Variants in TLN2 observed in about 807,000 individuals in gnomAD.
The protein encoded by TLN2 is talin 2.
A neutral mutation model predicts 294.7 loss-of-function variants in TLN2; 118 were observed. That is an observed-to-expected ratio of 0.40 (90% CI 0.34 to 0.47). The LOEUF (loss-of-function observed/expected upper bound fraction) is 0.47. Ranked by LOEUF, TLN2 falls within the 20% of genes least tolerant of loss-of-function variation. The probability of loss-of-function intolerance (pLI) is 0.84; values close to 1 mark genes in which losing one functional copy is unlikely to be tolerated. For synonymous variants in TLN2, 1,431 were observed against 1,304.5 expected, an observed-to-expected ratio of 1.10 and a Z score of -2.09; for missense variants, 3,083 against 3,282.2, an observed-to-expected ratio of 0.94 and a Z score of 1.48.
intron 2 of TLN2, among the ~76,000 whole-genome samples, chr15:62,616,653 G>T (rs2048337300): frequency 6.6e-6 from 1 of 152,182 alleles, no homozygotes; most frequent in South Asian, 2.1e-4. Flanking sequence ...TAGTCATGGT[G>T]TGAGTTTCTC....
At chr15:62,820,749 T>G (rs1165474227) in intron 54 of TLN2, 139 bp downstream of exon 54, 3 of 1,120,666 alleles carry the variant, frequency 2.7e-6, no homozygotes, top group African/African-American at 3.1e-5. Flanking sequence ...CGGATCTACC[T>G]GCCCGGCACT....
At chr15:62,792,903 G>T (rs1030245297) in intron 46 of TLN2, 116 bp downstream of exon 46, 28 of 1,480,424 alleles carry the variant, frequency 1.9e-5, no homozygotes, top group Non-Finnish European at 2.3e-5. Flanking sequence ...TGACTCAGCT[G>T]TCTCATCCCG....
At chr15:62,754,886 A>G (rs1423457530) in intron 36 of TLN2, 1 of 152,128 alleles carries the variant, frequency 6.6e-6, no homozygotes, top group African/African-American at 2.4e-5. Flanking sequence ...ATGAGGAGGG[A>G]GCTGTTGCAC....
At chr15:62,562,953 CACACACACACACACACA>C (rs2043094787) in intron 1 of TLN2, among the ~76,000 whole-genome samples, 3 of 143,324 alleles carry the variant, frequency 2.1e-5, no homozygotes, top group Admixed American at 7.1e-5. Context: ...CACACACACA[CACACACACACACACACA>C]CCAGTTTCTT....
intron 49 of TLN2, 39 bp from the exon 50 acceptor site, chr15:62,800,614 T>TCA: frequency 6.2e-7 from 1 of 1,612,258 alleles, no homozygotes. Context: ...TGGACCTGAG[T>TCA]CACTGCACTA....
At chr15:62,621,369 G>A (rs1374081313) in intron 3 of TLN2, among the ~76,000 whole-genome samples, 1 of 152,156 alleles carries the variant, frequency 6.6e-6, no homozygotes, top group Non-Finnish European at 1.5e-5. Context: ...CTATTAGGGT[G>A]AATAGAAGGT....
intron 9 of TLN2, among the ~76,000 whole-genome samples, chr15:62,659,147 C>T (rs558082023): frequency 1.3e-5 from 2 of 152,332 alleles, no homozygotes; most frequent in East Asian, 3.9e-4. Flanking sequence ...AGCTCCCTTT[C>T]TCCATAGCCC....
intron 12 of TLN2, among the ~76,000 whole-genome samples, chr15:62,692,034 G>C (rs1198783741): frequency 2.0e-5 from 3 of 152,178 alleles, no homozygotes; most frequent in African/African-American, 7.2e-5. Flanking sequence ...CTTTGTTCAA[G>C]TTTAGCGTGT....
chr15:62,580,536 G>A (rs1474939932), intron 1 of TLN2, among the ~76,000 whole-genome samples: 8 of 151,820 alleles, frequency 5.3e-5, no homozygotes, highest in Admixed American at 3.3e-4. Context: ...TCAGCCTCGC[G>A]AGTAGCCGGT....
chr15:62,405,474 A>G (rs1236018533), intron 1 of TLN2, among the ~76,000 whole-genome samples: 2 of 152,186 alleles, frequency 1.3e-5, no homozygotes, highest in African/African-American at 2.4e-5. Context: ...TCTGGTTTCT[A>G]AGACCCTGTA....
chr15:62,763,647 G>A lies in TLN2; in HGVS notation c.5046G>A (p.Leu1682=). The A allele has an allele frequency of 6.2e-7, 1 of 1,613,100 alleles. No homozygotes were observed. Among genetic ancestry groups the A allele is most frequent in the Non-Finnish European group, 8.5e-7 (1 of 1,179,734 alleles). Residue 1682 remains leucine, a synonymous_variant, in exon 40 of 59, where the codon CTG becomes CTA. Transcript: ENST00000636159. The part of the protein sequence containing the change: ...RCIRDIEQAS[L]AAVSQSLATR... ...TCCGGGACATCGAGCAGGCCTCGCT[G>A]GCCGCCGTCAGCCAGAGCCTGGCCA...
intron 19 of TLN2, among the ~76,000 whole-genome samples, chr15:62,704,703 C>T (rs1264267447): frequency 1.3e-5 from 2 of 151,886 alleles, no homozygotes; most frequent in Non-Finnish European, 2.9e-5. Context: ...ACTGAGATGG[C>T]TGGTCATAAG....
intron 1 of TLN2, among the ~76,000 whole-genome samples, chr15:62,582,085 C>G (rs751426929): frequency 6.6e-6 from 1 of 151,348 alleles, no homozygotes; most frequent in Non-Finnish European, 1.5e-5. Flanking sequence ...GAATGGTGGA[C>G]TAATCACTGG....
At chr15:62,525,087 A>G (rs939924247) in intron 1 of TLN2, among the ~76,000 whole-genome samples, 8 of 152,126 alleles carry the variant, frequency 5.3e-5, no homozygotes, top group Admixed American at 2.0e-4. Flanking sequence ...TTGCAGTCCA[A>G]TTTTACATGG....
chr15:62,514,449 A>G (rs1049595061), intron 1 of TLN2, among the ~76,000 whole-genome samples: 2 of 152,148 alleles, frequency 1.3e-5, no homozygotes, highest in African/African-American at 4.8e-5. Context: ...TCCCCTCTCA[A>G]AGGTCTTTTA....
intron 1 of TLN2, among the ~76,000 whole-genome samples, chr15:62,446,659 GT>G (rs1277148341): frequency 9.6e-6 from 1 of 104,228 alleles, no homozygotes; most frequent in Non-Finnish European, 2.1e-5. Context: ...CCTGATCGCT[GT>G]GATTTTAAAC....
chr15:62,697,523 G>A (rs576900136), intron 14 of TLN2, among the ~76,000 whole-genome samples, 165 bp from the exon 15 acceptor site: 2 of 152,356 alleles, frequency 1.3e-5, no homozygotes, highest in African/African-American at 4.8e-5. Context: ...GCTCTGCTAA[G>A]TGTTGTAATG....
intron 22 of TLN2, among the ~76,000 whole-genome samples, chr15:62,714,083 A>G (rs975689655): frequency 1.3e-5 from 2 of 151,442 alleles, no homozygotes; most frequent in African/African-American, 4.8e-5. Context: ...AAAGAACTGT[A>G]GGGTAAATCT....
At chr15:62,494,626 A>G (rs922961757) in intron 1 of TLN2, among the ~76,000 whole-genome samples, 1 of 152,132 alleles carries the variant, frequency 6.6e-6, no homozygotes, top group South Asian at 2.1e-4. Context: ...CCCGTGCTTT[A>G]GTTGAAAAAT....
Sources: gnomAD v4.1 joint callset for allele counts (sites outside exome capture counted in the v4.1 genomes callset) on GRCh38, gnomAD v4.1.1 for gene constraint, MANE v1.5 for transcripts, NCBI Gene and HGNC (gene_info 2026-07-23, HGNC 2026-07-21) for gene names.